Variants in GDI2 observed in about 807,000 individuals in gnomAD.
The protein encoded by GDI2 is rab GDP dissociation inhibitor beta.
In GDI2, 22 loss-of-function variants were observed where a neutral mutation model predicts 54.2. The observed-to-expected ratio is 0.41, with a 90% CI of 0.29 to 0.58. The LOEUF (loss-of-function observed/expected upper bound fraction) is 0.58. Ranked by LOEUF, GDI2 falls within the 20% of genes least tolerant of loss-of-function variation. The pLI, the probability that GDI2 is intolerant of heterozygous loss-of-function variation, is 0.35. For missense variants in GDI2, 422 were observed against 546.0 expected, an observed-to-expected ratio of 0.77 and a Z score of 2.26; for synonymous variants, 177 against 182.1, an observed-to-expected ratio of 0.97 and a Z score of 0.23.
At chr10:5,772,799 A>G (rs900323992) in intron 7 of GDI2, among the ~76,000 whole-genome samples, 1 of 152,146 alleles carries the variant, frequency 6.6e-6, no homozygotes, top group African/African-American at 2.4e-5. Context: ...TAGTAGATAA[A>G]ACACACAAAT....
intron 6 of GDI2, among the ~76,000 whole-genome samples, chr10:5,781,708 C>A (rs1357482213): frequency 6.6e-6 from 1 of 150,956 alleles, no homozygotes; most frequent in African/African-American, 2.4e-5. Context: ...ATATACTGGA[C>A]TTCATCAAAA....
chr10:5,776,305 T>C lies in GDI2; in HGVS notation c.720-2364A>G, dbSNP rs10905159. On this transcript the variant is annotated intron_variant, in intron 6 of 10. Transcript: ENST00000380191. This position sits in a 1 kb window ranked among gnomAD's most constrained non-coding sequence, Gnocchi z 5.3. ...AAAAGACTGAAAGCCCAGCAGAACATAGGATGTAGCTGCCCATCTCACAAA... is the reference window on the plus strand; with the variant it reads ...AAAAGACTGAAAGCCCAGCAGAACACAGGATGTAGCTGCCCATCTCACAAA... 79,312 of 588,520 alleles carry C rather than the reference T, an allele frequency of 0.13. 6,458 individuals carry two copies. The highest frequency in any genetic ancestry group is 0.27 in the Admixed American group (10,778 of 39,626). 36.5% of individuals were successfully genotyped at this position (588,520 alleles called of 1,614,324 possible). A position where few individuals can be genotyped will look rare whatever the true frequency, so the allele number is the denominator to read the frequency against.
intron 4 of GDI2, among the ~76,000 whole-genome samples, chr10:5,790,987 T>C (rs553126461): frequency 4.3e-4 from 66 of 152,040 alleles, no homozygotes; most frequent in Admixed American, 2.0e-4. Flanking sequence ...CAAGACCCCA[T>C]TTATACAAAA....
At chr10:5,796,902 T>A (rs767395537) in intron 2 of GDI2, 40 bp from the exon 3 acceptor site, 4 of 962,484 alleles carry the variant, frequency 4.2e-6, no homozygotes, top group Non-Finnish European at 6.6e-6. Context: ...GTTAACAAAA[T>A]TTAATTTTTT....
chr10:5,774,280 C>T lies in GDI2; in HGVS notation c.720-339G>A, dbSNP rs1474257021. On this transcript the variant is annotated intron_variant, in intron 6 of 10. Coordinates refer to ENST00000380191, the MANE Select transcript of GDI2 (RefSeq NM_001494.4). This position sits in a 1 kb window ranked among gnomAD's most constrained non-coding sequence, Gnocchi z 4.8. ...GCTCTAAAACTTGCCTCAGTCTCTC[C>T]TTCTACCTTATGCCCCTTGGTCATT... Among the ~76,000 whole-genome samples, 4 of 152,126 alleles carry T rather than the reference C, an allele frequency of 2.6e-5. No individual in the cohort carries two copies. The highest frequency in any genetic ancestry group is 4.4e-5 in the Non-Finnish European group (3 of 68,022).
intron 6 of GDI2, among the ~76,000 whole-genome samples, chr10:5,784,710 C>T (rs1840834566): frequency 6.6e-6 from 1 of 152,182 alleles, no homozygotes; most frequent in African/African-American, 2.4e-5. Flanking sequence ...TTGATCTAGC[C>T]GCCCAGTGGA....
chr10:5,801,634 CCACTG>C (rs931692989), intron 1 of GDI2, among the ~76,000 whole-genome samples: 3 of 152,146 alleles, frequency 2.0e-5, no homozygotes, highest in African/African-American at 7.2e-5. Flanking sequence ...CAAGATCACA[CCACTG>C]CACTCCAGCC....
chr10:5,800,549 G>T, intron 2 of GDI2, 49 bp downstream of exon 2: 2 of 873,402 alleles, frequency 2.3e-6, no homozygotes, highest in Non-Finnish European at 4.0e-6. Flanking sequence ...ATTCACAAGT[G>T]AAATACTCAC....
chr10:5,801,127 A>AT (rs967427072), intron 1 of GDI2, among the ~76,000 whole-genome samples: 1 of 151,614 alleles, frequency 6.6e-6, no homozygotes, highest in Non-Finnish European at 1.5e-5. Flanking sequence ...AATTTTTTGT[A>AT]TTTTTAGCAG....
In GDI2 at chr10:5,785,833, TAAA is replaced by T; in HGVS notation, c.587+16_587+18del. The T allele has an allele frequency of 6.8e-7, 1 of 1,472,302 alleles. No homozygotes were observed. The highest frequency in any genetic ancestry group is 9.4e-7 in the Non-Finnish European group (1 of 1,067,866). 91.2% of individuals were successfully genotyped at this position (1,472,302 alleles called of 1,614,324 possible). On this transcript the variant is annotated intron_variant, in intron 5 of 10. Transcript: ENST00000380191. ...GAGAATTTCAAGAAAAATACAAATC[TAAA>T]AACCAAAATACTTACTCATCAGTTC...
intron 1 of GDI2, among the ~76,000 whole-genome samples, chr10:5,811,468 T>C (rs1182812217): frequency 6.6e-6 from 1 of 152,194 alleles, no homozygotes; most frequent in Non-Finnish European, 1.5e-5. Flanking sequence ...TGCATGATGG[T>C]GGATTTGCAC....
intron 4 of GDI2, among the ~76,000 whole-genome samples, chr10:5,790,653 C>CAA (rs200043109): frequency 6.7e-6 from 1 of 150,136 alleles, no homozygotes; most frequent in Non-Finnish European, 1.5e-5. Context: ...TCTCAAAAAA[C>CAA]AAAAAAAAAT....
At chr10:5,778,302 G>A (rs1840672277) in intron 6 of GDI2, among the ~76,000 whole-genome samples, 1 of 152,168 alleles carries the variant, frequency 6.6e-6, no homozygotes, top group Admixed American at 6.6e-5. Context: ...ATAAAAGTAT[G>A]TTATGCATAA....
rs1840309547 is a variant in GDI2, at chr10:5,765,779, A to C, written c.*227T>G. 2.2e-6 allele frequency: 1 copy of C among 458,276 alleles called. No homozygotes were observed. Among genetic ancestry groups the C allele is most frequent in the Non-Finnish European group, 3.8e-6 (1 of 263,326 alleles). 28.4% of individuals were successfully genotyped at this position (458,276 alleles called of 1,614,324 possible). A position where few individuals can be genotyped will look rare whatever the true frequency, so the allele number is the denominator to read the frequency against. ...GTTTAACTTCACTAGAAAAAAAAAA[A>C]GCCAGTTTGGTTAAATTGAACAGAA... On this transcript the variant is annotated 3_prime_UTR_variant, in exon 11 of 11. Coordinates refer to ENST00000380191, the MANE Select transcript of GDI2 (RefSeq NM_001494.4).
At chr10:5,807,439 G>T (rs1331000788) in intron 1 of GDI2, among the ~76,000 whole-genome samples, 1 of 152,166 alleles carries the variant, frequency 6.6e-6, no homozygotes, top group African/African-American at 2.4e-5. Context: ...ACTTGTATGT[G>T]AATGAATATT....
chr10:5,788,066 A>G (rs1367031529), intron 4 of GDI2, among the ~76,000 whole-genome samples: 1 of 152,212 alleles, frequency 6.6e-6, no homozygotes, highest in Non-Finnish European at 1.5e-5. Flanking sequence ...AGTGATCTCA[A>G]TGACTAGCTG....
chr10:5,775,999 C>A, intron 6 of GDI2: 1 of 184,056 alleles, frequency 5.4e-6, no homozygotes, highest in South Asian at 9.9e-5. Flanking sequence ...CTGCAGTCCC[C>A]TCCATGTTCC....
chr10:5,802,867 A>G (rs903090724), intron 1 of GDI2, among the ~76,000 whole-genome samples: 10 of 152,234 alleles, frequency 6.6e-5, no homozygotes, highest in African/African-American at 1.7e-4. Flanking sequence ...GGGTGTTAAT[A>G]TATCAGAATA....
chr10:5,792,840 C>G (rs1841046761), intron 4 of GDI2, among the ~76,000 whole-genome samples: 1 of 149,402 alleles, frequency 6.7e-6, no homozygotes, highest in South Asian at 2.1e-4. Context: ...CTGAAAAAAT[C>G]AGAGAAAATA....
Sources: gnomAD v4.1 joint callset for allele counts (sites outside exome capture counted in the v4.1 genomes callset) on GRCh38, gnomAD v4.1.1 for gene constraint, Gnocchi (gnomAD v3.1) non-coding constraint, MANE v1.5 for transcripts, NCBI Gene and HGNC (gene_info 2026-07-23, HGNC 2026-07-21) for gene names.